Variants in DDB1 observed in about 807,000 individuals in gnomAD.
The protein encoded by DDB1 is damage specific DNA binding protein 1.
In DDB1, 18 loss-of-function variants were observed where a neutral mutation model predicts 133.1. The ratio of observed to expected loss-of-function variants is 0.14; its 90% CI spans 0.09 to 0.20. The LOEUF is 0.20. Ranked by LOEUF, DDB1 falls within the 10% of genes least tolerant of loss-of-function variation. The pLI, the probability that DDB1 is intolerant of heterozygous loss-of-function variation, is 1.00. For missense variants in DDB1, 828 were observed against 1,459.2 expected (o/e 0.57, Z 7.05); for synonymous variants, 580 against 550.5 (o/e 1.05, Z -0.75).
chr11:61,308,955 A>T lies in DDB1; in HGVS notation c.2661+28T>A, dbSNP rs370904563. ...CTGCAGACAATGATGGGCAGCCTAA[A>T]GTAAGTACCAAGTGGTCCAGGCCTC... is the stretch of plus-strand genomic sequence containing the variant. On this transcript the variant is annotated intron_variant, in intron 21 of 26. Transcript: ENST00000301764. 8.7e-6 allele frequency: 14 copies of T among 1,610,340 alleles called. No homozygotes were observed. In the African/African-American group the frequency reaches 1.5e-4, roughly 17 times the overall value.
rs942971662 is a variant in DDB1 at position 61,300,693 on chromosome 11, C to A, written c.3339+116G>T. On this transcript the variant is annotated intron_variant, in intron 26 of 26. Transcript: ENST00000301764. The stretch of plus-strand genomic sequence containing the variant: ...CACCTTCCATCTGGTAAGGATTACA[C>A]AGAGGTCCCCTCGCATCTTGGAACT... The A allele has an allele frequency of 1.7e-5, 26 of 1,495,892 alleles. No homozygotes were observed. In the African/African-American group the frequency reaches 3.3e-4, roughly 19 times the overall value. The allele number at this position is 1,495,892 out of a possible 1,614,324, so 92.7% of individuals were successfully genotyped here.
chr11:61,332,977 T>C lies in DDB1; in HGVS notation c.-9A>G, dbSNP rs1856432975. 2.0e-6 allele frequency: 3 copies of C among 1,505,602 alleles called. No individual in the cohort carries two copies. Among genetic ancestry groups the C allele is most frequent in the African/African-American group, 2.9e-5 (2 of 69,690 alleles). The allele number at this position is 1,505,602 out of a possible 1,614,324, so 93.3% of individuals were successfully genotyped here. On this transcript the variant is annotated 5_prime_UTR_variant, in exon 1 of 27. Transcript: ENST00000301764. ...ACGTAGTTGTACGACATGTCGAGGC[T>C]TGGAGCGGCCCGTCGGGACTCGAGC...
chr11:61,317,150 T>G (rs1856101285), intron 10 of DDB1, among the ~76,000 whole-genome samples: 1 of 151,892 alleles, frequency 6.6e-6, no homozygotes, highest in Non-Finnish European at 1.5e-5. Context: ...AGTCTCGCTC[T>G]GTCACCAGGC....
rs771177551 is a variant in DDB1 at position 61,313,939 on chromosome 11, G to A, written c.1784C>T (p.Thr595Ile). The change falls in exon 15 of 27, where the codon ACC (threonine) becomes ATC (isoleucine). Residue 595 changes from threonine (T) to isoleucine (I), a missense_variant. Physicochemically the swap from Thr to Ile is moderately conservative, Grantham distance 89. Around this residue, in one of 7 missense-constraint regions of DDB1, gnomAD observed 396 missense variants for 554.1 expected, o/e 0.71. Transcript: ENST00000301764. ...AAGGAGGTAATGGCTACTCTCAAAG[G>A]TGGTCATCAGGATGGAGCGAGGAAT... is the stretch of plus-strand genomic sequence containing the variant. Reference protein sequence around the residue: ...EIIPRSILMTTFESSHYLLCA... With the variant: ...EIIPRSILMTIFESSHYLLCA... The A allele has an allele frequency of 6.2e-7, 1 of 1,614,166 alleles. No homozygotes were observed. Among genetic ancestry groups the A allele is most frequent in the Non-Finnish European group, 8.5e-7 (1 of 1,180,046 alleles).
At position 61,312,078 on chromosome 11, in the gene DDB1, C is replaced by T. The variant is rs753624809; in HGVS notation, c.2076G>A (p.Ala692=). The T allele has an allele frequency of 9.3e-6, 15 of 1,614,132 alleles. No individual in the cohort carries two copies. The highest frequency in any genetic ancestry group is 2.2e-5 in the South Asian group (2 of 91,078). The change falls in exon 17 of 27, where the codon GCG becomes GCA. Residue 692 remains alanine, a synonymous_variant. Coordinates refer to ENST00000301764, the MANE Select transcript of DDB1 (RefSeq NM_001923.5). The part of the protein sequence containing the change: ...LNSDGYPDSL[A]LANNSTLTIG... ...TGGTGAGGGTGCTATTGTTGGCCAG[C>T]GCCAGGCTGGAAAGAAGGGTCTGGG...
Position 61,322,286 on chromosome 11 carries a change from T to C in DDB1, c.1122+10A>G. 6.2e-7 allele frequency: 1 copy of C among 1,607,092 alleles called. No homozygotes were observed. The highest frequency in any genetic ancestry group is 2.2e-5 in the East Asian group (1 of 44,848). On this transcript the variant is annotated intron_variant, in intron 9 of 26. Transcript: ENST00000301764. The stretch of plus-strand genomic sequence containing the variant: ...ATATACCAACTATCCACTTTCAGAA[T>C]GGCCCTTACCTGCCCCTGCCCCTGC...
At chr11:61,310,143 A>T in intron 19 of DDB1, 152 bp downstream of exon 19, 1 of 1,354,400 alleles carries the variant, frequency 7.4e-7, no homozygotes. Flanking sequence ...CAGCCCTCCA[A>T]ACTCACTGCC....
At chr11:61,328,781 G>A (rs1290287145) in intron 4 of DDB1, among the ~76,000 whole-genome samples, 3 of 152,128 alleles carry the variant, frequency 2.0e-5, no homozygotes, top group Admixed American at 6.5e-5. Flanking sequence ...TGAGGCAGGA[G>A]AATCGCTTGA....
chr11:61,329,824 A>G (rs1482515381), intron 3 of DDB1, 134 bp downstream of exon 3: 1 of 841,284 alleles, frequency 1.2e-6, no homozygotes, highest in Non-Finnish European at 1.9e-6. Flanking sequence ...CTTTCTCCAA[A>G]AAGCTCAAAC....
At chr11:61,314,014 C>CT (rs1856022832) in intron 14 of DDB1, 33 bp downstream of exon 14, 1 of 1,613,996 alleles carries the variant, frequency 6.2e-7, no homozygotes, top group African/African-American at 1.3e-5. Flanking sequence ...CATTTTGACT[C>CT]TGTCCCAACC....
At position 61,323,008 on chromosome 11, in the gene DDB1, C is replaced by T. The variant is rs1856208914; in HGVS notation, c.1005+3G>A. ...AAGAAACCAGAAACAAGTGTCTTCT[C>T]ACCTTCACAAGCTGGGAGTCACCCA... On this transcript the variant is annotated splice_donor_region_variant and intron_variant, in intron 8 of 26. Coordinates refer to ENST00000301764, the MANE Select transcript of DDB1 (RefSeq NM_001923.5). 1.2e-6 allele frequency: 2 copies of T among 1,612,936 alleles called. No homozygotes were observed. Among genetic ancestry groups the T allele is most frequent in the Admixed American group, 3.3e-5 (2 of 59,788 alleles).
chr11:61,322,523 C>T (rs1856198898), intron 8 of DDB1, 111 bp from the exon 9 acceptor site: 1 of 807,140 alleles, frequency 1.2e-6, no homozygotes, highest in Admixed American at 1.9e-5. Flanking sequence ...CTAGATCTGC[C>T]ATTCTCATGT....
chr11:61,325,769 G>T (rs747634054), intron 5 of DDB1, 61 bp from the exon 6 acceptor site: 20 of 1,377,716 alleles, frequency 1.5e-5, no homozygotes, highest in Non-Finnish European at 3.1e-6. Flanking sequence ...ACCAGGACTG[G>T]CAAAAGTACA....
intron 6 of DDB1, 111 bp downstream of exon 6, chr11:61,325,500 T>C (rs1046070433): frequency 2.4e-5 from 20 of 842,220 alleles, no homozygotes; most frequent in Middle Eastern, 3.6e-4. Context: ...ACATAGTAAA[T>C]TGTGTAACAG....
Position 61,304,030 on chromosome 11 carries a change from C to T in DDB1, c.2667G>A (p.Arg889=). ...CCTTCTCTGTTGTCCACTCATAGAGCCGCACCTGGGAAGGGCATTGTCTCT... is the reference window on the plus strand; with the variant it reads ...CCTTCTCTGTTGTCCACTCATAGAGTCGCACCTGGGAAGGGCATTGTCTCT... ...KLLASINSTV[R]LYEWTTEKEL... Residue 889 remains arginine, a synonymous_variant, in exon 22 of 27, where the codon CGG becomes CGA. Transcript: ENST00000301764. The T allele has an allele frequency of 6.2e-7, 1 of 1,613,828 alleles. No individual in the cohort carries two copies. Among genetic ancestry groups the T allele is most frequent in the Non-Finnish European group, 8.5e-7 (1 of 1,180,024 alleles).
Position 61,314,496 on chromosome 11 carries a change from C to G in DDB1, c.1411-10G>C, listed in dbSNP as rs1038565542. On this transcript the variant is annotated splice_polypyrimidine_tract_variant and intron_variant, in intron 12 of 26. Transcript: ENST00000301764. ...CCGATGCTGAAGTGATCTAGATAAACAGCAGATGAACAAATGTCTCCAAGC... is the reference window on the plus strand; with the variant it reads ...CCGATGCTGAAGTGATCTAGATAAAGAGCAGATGAACAAATGTCTCCAAGC... The G allele has an allele frequency of 6.2e-7, 1 of 1,602,318 alleles. No homozygotes were observed. Among genetic ancestry groups the G allele is most frequent in the East Asian group, 2.2e-5 (1 of 44,766 alleles).
chr11:61,321,942 G>A (rs774638439), intron 9 of DDB1: 19 of 549,760 alleles, frequency 3.5e-5, no homozygotes, highest in Non-Finnish European at 6.1e-5. Context: ...TTAGATCGCT[G>A]GGACCTAGTT....
chr11:61,321,849 A>C, intron 9 of DDB1, 152 bp from the exon 10 acceptor site: 1 of 663,620 alleles, frequency 1.5e-6, no homozygotes, highest in Non-Finnish European at 2.6e-6. Context: ...GTTGATTTCC[A>C]AAGTCTTTCA....
chr11:61,320,715 C>T (rs1804230613), intron 10 of DDB1, among the ~76,000 whole-genome samples: 1 of 152,126 alleles, frequency 6.6e-6, no homozygotes, highest in Admixed American at 6.6e-5. Flanking sequence ...TAAAGATGTG[C>T]CTCCTATATA....
Sources: gnomAD v4.1 joint callset for allele counts (sites outside exome capture counted in the v4.1 genomes callset) on GRCh38, gnomAD v4.1.1 for gene constraint, gnomAD v4.1.1 regional missense constraint, MANE v1.5 for transcripts, NCBI Gene and HGNC (gene_info 2026-07-23, HGNC 2026-07-21) for gene names.